The following MAP4K4 variants were observed in gnomAD, a reference collection of about 807,000 sequenced individuals.
MAP4K4 encodes the protein HPK/GCK-like kinase HGK.
Under a neutral mutation model 189.6 loss-of-function variants are expected in MAP4K4, and 38 were observed. The observed-to-expected ratio is 0.20, with a 90% CI of 0.15 to 0.26. The LOEUF (loss-of-function observed/expected upper bound fraction) is 0.26, where lower values mean the gene tolerates loss of function less well. Among genes scored for constraint, MAP4K4 ranks in the 10% least tolerant of loss-of-function variants. MAP4K4 has a pLI of 1.00. For missense variants in MAP4K4, 1,054 were observed against 1,726.9 expected (o/e 0.61, Z 6.91); for synonymous variants, 610 against 624.3 (o/e 0.98, Z 0.34).
At chr2:101,714,097 G>T (rs1313748938) in intron 2 of MAP4K4, among the ~76,000 whole-genome samples, 1 of 152,226 alleles carries the variant, frequency 6.6e-6, no homozygotes, top group Non-Finnish European at 1.5e-5. Flanking sequence ...TCAAGGAACA[G>T]TGGTGACTTA....
At chr2:101,762,090 G>A (rs1395977429) in intron 2 of MAP4K4, among the ~76,000 whole-genome samples, 1 of 152,154 alleles carries the variant, frequency 6.6e-6, no homozygotes, top group Admixed American at 6.5e-5. Context: ...TCCAAGTAGG[G>A]TTGTTTTCAG....
At chr2:101,698,349 G>A (rs1259587519) in intron 1 of MAP4K4, 124 bp from the exon 2 acceptor site, 2 of 969,888 alleles carry the variant, frequency 2.1e-6, no homozygotes, top group African/African-American at 1.7e-5. Context: ...CCCGGGCGCT[G>A]GGGGACCGCG....
intron 2 of MAP4K4, among the ~76,000 whole-genome samples, chr2:101,704,067 T>C (rs1281102481): frequency 6.6e-6 from 1 of 152,108 alleles, no homozygotes; most frequent in African/African-American, 2.4e-5. Flanking sequence ...ACTTAAACTT[T>C]TGTGAGGGAT....
intron 2 of MAP4K4, among the ~76,000 whole-genome samples, chr2:101,762,739 T>G (rs2077028140): frequency 1.3e-5 from 2 of 152,216 alleles, no homozygotes; most frequent in African/African-American, 4.8e-5. Flanking sequence ...TCACTGGGGC[T>G]AGCAGAGGGC....
chr2:101,823,778 C>G, intron 3 of MAP4K4, 150 bp from the exon 4 acceptor site: 2 of 603,712 alleles, frequency 3.3e-6, no homozygotes, highest in Non-Finnish European at 5.5e-6. Flanking sequence ...GGTTCCTGTT[C>G]TTGGCACAAG....
chr2:101,780,252 TC>T (rs2086658628), intron 2 of MAP4K4, among the ~76,000 whole-genome samples: 2 of 152,174 alleles, frequency 1.3e-5, no homozygotes, highest in South Asian at 4.1e-4. Context: ...GGAATCTGAA[TC>T]CCTTTCATCC....
chr2:101,853,954 C>A (rs556022495), intron 12 of MAP4K4, among the ~76,000 whole-genome samples: 23 of 152,242 alleles, frequency 1.5e-4, no homozygotes, highest in African/African-American at 5.5e-4. Context: ...TTGTGTGTAA[C>A]ATGTTAGGGT....
chr2:101,873,334 G>A (rs1418959324), intron 24 of MAP4K4, among the ~76,000 whole-genome samples: 1 of 152,056 alleles, frequency 6.6e-6, no homozygotes, highest in East Asian at 1.9e-4. Flanking sequence ...TTCATTATAA[G>A]TATTTACTTA....
At chr2:101,845,372 A>G (rs970517257) in intron 12 of MAP4K4, among the ~76,000 whole-genome samples, 1 of 152,156 alleles carries the variant, frequency 6.6e-6, no homozygotes, top group Non-Finnish European at 1.5e-5. Context: ...ATGCACAGAA[A>G]TATATTATTT....
intron 2 of MAP4K4, among the ~76,000 whole-genome samples, chr2:101,706,390 A>G (rs2042321612): frequency 6.6e-6 from 1 of 152,176 alleles, no homozygotes; most frequent in Non-Finnish European, 1.5e-5. Context: ...TTTTATCATG[A>G]CTATGTAAAT....
At chr2:101,870,398 A>T (rs1341767262) in exon 23 of MAP4K4, 1 of 1,613,622 alleles carries the variant, frequency 6.2e-7, no homozygotes, top group East Asian at 2.2e-5. Flanking sequence ...CAAGGAGGGC[A>T]CTCTAATCGT....
intron 3 of MAP4K4, among the ~76,000 whole-genome samples, chr2:101,811,093 G>T (rs1039154962): frequency 6.6e-6 from 1 of 152,092 alleles, no homozygotes; most frequent in African/African-American, 2.4e-5. Flanking sequence ...TGAAAGTAGG[G>T]TCGGGCGAGG....
intron 2 of MAP4K4, among the ~76,000 whole-genome samples, chr2:101,734,465 C>T (rs902203698): frequency 6.6e-6 from 1 of 152,138 alleles, no homozygotes; most frequent in Non-Finnish European, 1.5e-5. Context: ...TGTAATTATC[C>T]TTATTACACT....
Position 101,870,202 on chromosome 2 carries a change from T to C in MAP4K4, c.2640-93T>C, listed in dbSNP as rs542870735. The C allele has an allele frequency of 6.0e-5, 79 of 1,325,920 alleles. No individual in the cohort carries two copies. In the African/African-American group the frequency reaches 1.1e-3, roughly 19 times the overall value. The allele number at this position is 1,325,920 out of a possible 1,614,324, so 82.1% of individuals were successfully genotyped here. On this transcript the variant is annotated intron_variant, in intron 22 of 32. Transcript: ENST00000324219. ...GAGGCTTTATATCGGTAGCCTCATCTCATGTTTTGATTTTGAGAAGGCGAA... is the reference window on the plus strand; with the variant it reads ...GAGGCTTTATATCGGTAGCCTCATCCCATGTTTTGATTTTGAGAAGGCGAA...
At chr2:101,811,747 T>C (rs2095443548) in intron 3 of MAP4K4, among the ~76,000 whole-genome samples, 2 of 152,174 alleles carry the variant, frequency 1.3e-5, no homozygotes. Flanking sequence ...GATGGGCATG[T>C]GGTTGGGGCA....
intron 9 of MAP4K4, among the ~76,000 whole-genome samples, chr2:101,836,731 G>A (rs2096766994): frequency 6.6e-6 from 1 of 152,112 alleles, no homozygotes; most frequent in Non-Finnish European, 1.5e-5. Flanking sequence ...TCGCAGAATA[G>A]CATATTAAAC....
At chr2:101,705,821 G>T (rs1425302477) in intron 2 of MAP4K4, among the ~76,000 whole-genome samples, 1 of 152,158 alleles carries the variant, frequency 6.6e-6, no homozygotes, top group Non-Finnish European at 1.5e-5. Context: ...CTGGAGAATT[G>T]AGGACTGTTG....
chr2:101,864,763 G>C (rs887403863), intron 17 of MAP4K4, among the ~76,000 whole-genome samples, 167 bp from the exon 18 acceptor site: 1 of 152,154 alleles, frequency 6.6e-6, no homozygotes, highest in South Asian at 2.1e-4. Context: ...TTTTCTCTCC[G>C]ATTGTATCAG....
At chr2:101,826,424 G>A (rs1408407158) in intron 5 of MAP4K4, among the ~76,000 whole-genome samples, 1 of 152,108 alleles carries the variant, frequency 6.6e-6, no homozygotes, top group African/African-American at 2.4e-5. Context: ...TAGTTGTGAA[G>A]GGTGGGGTAG....
Sources: allele counts gnomAD v4.1 joint callset (sites outside exome capture counted in the v4.1 genomes callset), GRCh38; gene constraint gnomAD v4.1.1; transcripts MANE v1.5; gene names NCBI Gene and HGNC (gene_info 2026-07-23, HGNC 2026-07-21).